Variants in TUBGCP3 observed in about 807,000 individuals in gnomAD.
TUBGCP3 encodes the protein gamma-tubulin complex component 3.
In TUBGCP3, 50 loss-of-function variants were observed where a neutral mutation model predicts 123.1. That is an observed-to-expected ratio of 0.41 (90% CI 0.32 to 0.51). TUBGCP3 has a LOEUF of 0.51. Among genes scored for constraint, TUBGCP3 ranks in the 20% least tolerant of loss-of-function variants. The probability of loss-of-function intolerance (pLI) is 0.36; values close to 1 mark genes in which losing one functional copy is unlikely to be tolerated. For missense variants in TUBGCP3, 882 were observed against 1,127.0 expected (o/e 0.78, Z 3.11); for synonymous variants, 405 against 413.9 (o/e 0.98, Z 0.26).
At chr13:112,486,429 T>C (rs1879676476) in intron 21 of TUBGCP3, among the ~76,000 whole-genome samples, 1 of 152,244 alleles carries the variant, frequency 6.6e-6, no homozygotes, top group African/African-American at 2.4e-5. Flanking sequence ...AACAGGTTTT[T>C]TCACTTTGTT....
the TUBGCP3 span, chr13:112,602,845 G>A: frequency 1.3e-5 from 2 of 151,628 alleles, no homozygotes; most frequent in South Asian, 2.1e-4. Flanking sequence ...ACACATTAAC[G>A]GTTTTATTTT....
the TUBGCP3 span, among the ~76,000 whole-genome samples, chr13:112,597,076 A>G: frequency 6.6e-6 from 1 of 152,226 alleles, no homozygotes; most frequent in Non-Finnish European, 1.5e-5. Flanking sequence ...TGGGATACTG[A>G]CAAGCTGAAA....
chr13:112,534,365 T>G (rs1877851779), intron 11 of TUBGCP3, among the ~76,000 whole-genome samples: 1 of 151,918 alleles, frequency 6.6e-6, no homozygotes, highest in Non-Finnish European at 1.5e-5. Flanking sequence ...GCTAACACGG[T>G]GAAACCCCAT....
At chr13:112,507,215 A>G (rs992920073) in intron 17 of TUBGCP3, among the ~76,000 whole-genome samples, 1 of 152,196 alleles carries the variant, frequency 6.6e-6, no homozygotes, top group African/African-American at 2.4e-5. Flanking sequence ...GTCACATGCC[A>G]CGACTCGCGG....
rs770034929 is a variant in TUBGCP3, at chr13:112,547,548, C to T, written c.1168+72G>A. ...GTGGGAAAGACGTGCATGGGAAAGT[C>T]GCGCGTGGGAAAGTCGCGCGTGGGA... On this transcript the variant is annotated intron_variant, in intron 10 of 21. Transcript: ENST00000261965. 2.3e-5 allele frequency: 19 copies of T among 833,938 alleles called. No individual in the cohort carries two copies. In the African/African-American group the frequency reaches 8.7e-4, roughly 38 times the overall value. The allele number at this position is 833,938 out of a possible 1,614,324, so 51.7% of individuals were successfully genotyped here.
chr13:112,560,067 G>C (rs1485536332), intron 3 of TUBGCP3, among the ~76,000 whole-genome samples: 4 of 151,186 alleles, frequency 2.6e-5, no homozygotes, highest in African/African-American at 7.3e-5. Context: ...CTGGGAAGCA[G>C]AGGTTGCAGT....
At chr13:112,599,530 G>A in the TUBGCP3 span, among the ~76,000 whole-genome samples, 5 of 151,658 alleles carry the variant, frequency 3.3e-5, no homozygotes, top group Admixed American at 2.0e-4. Context: ...TCTTATAGAC[G>A]GAGTCTCACT....
In TUBGCP3 at chr13:112,526,815, TC is replaced by T. The variant is rs1877166582; in HGVS notation, c.1555+126del. The T allele has an allele frequency of 4.3e-6, 3 of 693,126 alleles. No homozygotes were observed. The South Asian group carries it at 5.6e-5, about 13-fold the overall frequency. 42.9% of individuals were successfully genotyped at this position (693,126 alleles called of 1,614,324 possible). ...CATCATTATCATCACATCACCATCA[TC>T]CCCATCATCACACCATCACAATCAC... On this transcript the variant is annotated intron_variant, in intron 13 of 21. Coordinates refer to ENST00000261965, the MANE Select transcript of TUBGCP3 (RefSeq NM_006322.6).
Position 112,487,964 on chromosome 13 carries a change from T to C in TUBGCP3, c.2565+1617A>G, listed in dbSNP as rs2139176524. ...CTGGCCAACATGGTGAAACCCTGTC[T>C]CTACTAAAAATACAACAATTAGCCG... is the stretch of plus-strand genomic sequence containing the variant. On this transcript the variant is annotated intron_variant, in intron 21 of 21. Coordinates refer to ENST00000261965, the MANE Select transcript of TUBGCP3 (RefSeq NM_006322.6). 1.3e-5 allele frequency among the ~76,000 whole-genome samples: 2 copies of C among 151,868 alleles called. 1 individual carries two copies. Among genetic ancestry groups the C allele is most frequent in the Middle Eastern group, 6.8e-3 (2 of 294 alleles).
chr13:112,493,210 G>T (rs7323266), intron 20 of TUBGCP3, among the ~76,000 whole-genome samples: 2,528 of 139,290 alleles, frequency 0.018, 71 homozygotes, highest in African/African-American at 0.067. Context: ...CTCTGGGAAC[G>T]GGGGCTGGTG....
At chr13:112,532,625 A>T (rs980981029) in intron 11 of TUBGCP3, among the ~76,000 whole-genome samples, 1 of 152,224 alleles carries the variant, frequency 6.6e-6, no homozygotes, top group Non-Finnish European at 1.5e-5. Context: ...TTAGCTACAG[A>T]AAGGACTCAC....
At chr13:112,554,780 G>A (rs1024122081) in intron 7 of TUBGCP3, 107 bp downstream of exon 7, 122 of 736,284 alleles carry the variant, frequency 1.7e-4, no homozygotes, top group Middle Eastern at 3.8e-4. Flanking sequence ...CCTCACAACC[G>A]ATTCGCAAAA....
chr13:112,585,609 T>C (rs1045314169), intron 1 of TUBGCP3, among the ~76,000 whole-genome samples: 7 of 151,926 alleles, frequency 4.6e-5, no homozygotes, highest in African/African-American at 1.7e-4. Context: ...CCATCTCTAC[T>C]AAAAACACAA....
At chr13:112,553,574 G>A (rs1011068338) in intron 8 of TUBGCP3, among the ~76,000 whole-genome samples, 5 of 152,222 alleles carry the variant, frequency 3.3e-5, no homozygotes, top group African/African-American at 1.2e-4. Context: ...CATCGGCAGT[G>A]CCCACCCAGG....
intron 1 of TUBGCP3, among the ~76,000 whole-genome samples, chr13:112,572,873 GACTTGCCCA>G (rs1043880112): frequency 6.6e-6 from 1 of 152,136 alleles, no homozygotes; most frequent in Non-Finnish European, 1.5e-5. Context: ...GGTACCTAAA[GACTTGCCCA>G]ACGCAGGGTG....
Position 112,504,140 on chromosome 13 carries a change from C to A in TUBGCP3, c.2199G>T (p.Glu733Asp). 1 of 1,614,104 alleles carries A rather than the reference C, an allele frequency of 6.2e-7. No homozygotes were observed. Among genetic ancestry groups the A allele is most frequent in the Non-Finnish European group, 8.5e-7 (1 of 1,180,016 alleles). The change falls in exon 19 of 22, where the codon GAG (glutamate) becomes GAT (aspartate). Residue 733 changes from glutamate to aspartate, a missense_variant. By Grantham distance (45) the Glu-to-Asp change is conservative (BLOSUM62 2). Coordinates refer to ENST00000261965, the MANE Select transcript of TUBGCP3 (RefSeq NM_006322.6). ...GGGCCTGCTGGACTTTGTTCCAAAG[C>A]TCATCCCAAGAACATTCAAGCACCT... is the stretch of plus-strand genomic sequence containing the variant. ...TFEVLECSWD[E>D]LWNKVQQAQD...
chr13:112,597,105 C>T, the TUBGCP3 span, among the ~76,000 whole-genome samples: 1 of 152,180 alleles, frequency 6.6e-6, no homozygotes, highest in Non-Finnish European at 1.5e-5. Context: ...AAACTTACTT[C>T]TGATCTTACA....
At chr13:112,505,417 T>C (rs1364688855) in intron 17 of TUBGCP3, among the ~76,000 whole-genome samples, 2 of 152,264 alleles carry the variant, frequency 1.3e-5, no homozygotes, top group African/African-American at 4.8e-5. Flanking sequence ...CATGTTTTGT[T>C]ACTGCTTCAA....
Position 112,511,702 on chromosome 13 carries a change from C to A in TUBGCP3, c.2086+4738G>T, listed in dbSNP as rs1036106480. 6.6e-6 allele frequency among the ~76,000 whole-genome samples: 1 copy of A among 152,084 alleles called. No homozygotes were observed. Among genetic ancestry groups the A allele is most frequent in the Non-Finnish European group, 1.5e-5 (1 of 68,022 alleles). On this transcript the variant is annotated intron_variant, in intron 17 of 21. Transcript: ENST00000261965. The surrounding 1 kb of genome is among the most constrained non-coding windows in gnomAD (Gnocchi z 4.1). Reference sequence around the variant, plus strand: ...AAAAATGTAGTATGAGCTATTAAACCTTCATTTACCTTATTATTCGATATA... The same window carrying A: ...AAAAATGTAGTATGAGCTATTAAACATTCATTTACCTTATTATTCGATATA...
Sources: gnomAD v4.1 joint callset for allele counts (sites outside exome capture counted in the v4.1 genomes callset) on GRCh38, gnomAD v4.1.1 for gene constraint, Gnocchi (gnomAD v3.1) non-coding constraint, MANE v1.5 for transcripts, NCBI Gene and HGNC (gene_info 2026-07-23, HGNC 2026-07-21) for gene names.